The following MPP7 variants were observed in gnomAD, a reference collection of about 807,000 sequenced individuals.
The protein encoded by MPP7 is MAGUK p55 subfamily member 7.
Under a neutral mutation model 76.5 loss-of-function variants are expected in MPP7, and 60 were observed. The observed-to-expected ratio is 0.78, with a 90% CI of 0.64 to 0.97. The LOEUF (loss-of-function observed/expected upper bound fraction) is 0.97. Ranked by LOEUF, MPP7 falls within the 50% of genes least tolerant of loss-of-function variation. The pLI, the probability that MPP7 is intolerant of heterozygous loss-of-function variation, is 0.00. For synonymous variants in MPP7, 237 were observed against 244.5 expected, an observed-to-expected ratio of 0.97 and a Z score of 0.29; for missense variants, 641 against 694.0, an observed-to-expected ratio of 0.92 and a Z score of 0.86.
chr10:28,276,249 T>C (rs890014587), intron 1 of MPP7, among the ~76,000 whole-genome samples: 23 of 151,982 alleles, frequency 1.5e-4, no homozygotes, highest in Non-Finnish European at 2.5e-4. Flanking sequence ...CAGACTGGTC[T>C]CGAACTCCTG....
rs553762365 is a variant in MPP7 at position 28,291,357 on chromosome 10, G to A, written c.-132+11504C>T. 1.6e-3 allele frequency among the ~76,000 whole-genome samples: 239 copies of A among 152,330 alleles called. 1 individual carries two copies. The highest frequency in any genetic ancestry group is 2.3e-3 in the Non-Finnish European group (154 of 68,032). On this transcript the variant is annotated intron_variant, in intron 1 of 16. Coordinates refer to ENST00000683449, the MANE Select transcript of MPP7 (RefSeq NM_001318170.2). ...ACGGTGGCTCACGCCTGTAATCCCA[G>A]CACTTTGGGAGGCTGAGGCGGGTGG...
chr10:28,264,512 C>A (rs1934638626), intron 1 of MPP7, among the ~76,000 whole-genome samples: 1 of 151,676 alleles, frequency 6.6e-6, no homozygotes, highest in Admixed American at 6.6e-5. Context: ...CTGGTGTCTG[C>A]CTTGGTCACA....
intron 1 of MPP7, among the ~76,000 whole-genome samples, chr10:28,297,698 C>CA (rs1290883858): frequency 6.6e-6 from 1 of 151,732 alleles, no homozygotes; most frequent in Middle Eastern, 3.2e-3. Flanking sequence ...GACTCCGTCT[C>CA]AAAAAAATAA....
chr10:28,236,884 G>C (rs563815409), intron 2 of MPP7: 1 of 152,130 alleles, frequency 6.6e-6, no homozygotes, highest in Non-Finnish European at 1.5e-5. Context: ...TGCATACGCC[G>C]TACTTTGCGG....
rs190402644 is a variant in MPP7 at position 28,265,385 on chromosome 10, C to G, written c.-131-26650G>C. Among the ~76,000 whole-genome samples the G allele has an allele frequency of 3.2e-3, 487 of 152,168 alleles. 4 individuals carry two copies. The highest frequency in any genetic ancestry group is 0.011 in the African/African-American group (453 of 41,522). ...ACCAGCCTGGGGAACTTGGCGAAAC[C>G]CCATCTCCACAAAAAATGCAAAACT... On this transcript the variant is annotated intron_variant, in intron 1 of 16. Transcript: ENST00000683449.
intron 12 of MPP7, among the ~76,000 whole-genome samples, chr10:28,088,526 T>G (rs1205801891): frequency 1.3e-5 from 2 of 152,144 alleles, no homozygotes; most frequent in Non-Finnish European, 2.9e-5. Context: ...CTTGTTAAGT[T>G]TCCTGAGGGC....
chr10:28,176,645 G>C (rs1404755654), intron 3 of MPP7, among the ~76,000 whole-genome samples: 1 of 152,014 alleles, frequency 6.6e-6, no homozygotes, highest in Non-Finnish European at 1.5e-5. Context: ...GCTGAGGCAG[G>C]AGAATTGCTG....
rs77289850 is a variant in MPP7 at position 28,311,661 on chromosome 10, T to C, written c.-132+18268A>G. Among the ~76,000 whole-genome samples the C allele has an allele frequency of 9.3e-3, 1,421 of 152,098 alleles. 21 individuals carry two copies. Among genetic ancestry groups the C allele is most frequent in the South Asian group, 0.059 (284 of 4,814 alleles). On this transcript the variant is annotated intron_variant, in intron 2 of 11. Transcript: ENST00000441595. ...AATTTGGAAGGCTGAGGTAGGAGGA[T>C]TGCTTGAACCCAAGAATTCAAGACC...
At chr10:28,267,208 T>C (rs1840174708) in intron 1 of MPP7, among the ~76,000 whole-genome samples, 1 of 152,252 alleles carries the variant, frequency 6.6e-6, no homozygotes, top group African/African-American at 2.4e-5. Context: ...CAGAGACCAC[T>C]GGACCTGCAA....
At chr10:28,201,600 T>C (rs7088552) in intron 3 of MPP7, among the ~76,000 whole-genome samples, 45,730 of 152,028 alleles carry the variant, frequency 0.3, 8,385 homozygotes, top group African/African-American at 0.49. Flanking sequence ...ATCATTTTCA[T>C]GGCATGATGC....
chr10:28,116,329 A>G (rs1308768964), intron 11 of MPP7, among the ~76,000 whole-genome samples: 1 of 152,164 alleles, frequency 6.6e-6, no homozygotes, highest in Admixed American at 6.5e-5. Flanking sequence ...AAACTATAAA[A>G]ATAAGTTTTA....
intron 3 of MPP7, among the ~76,000 whole-genome samples, chr10:28,191,623 G>A (rs996115281): frequency 1.3e-5 from 2 of 152,118 alleles, no homozygotes; most frequent in African/African-American, 4.8e-5. Context: ...ATCTGCAAAT[G>A]TCCCAAAATT....
chr10:28,094,049 G>A (rs751028278), intron 11 of MPP7, among the ~76,000 whole-genome samples: 1 of 152,298 alleles, frequency 6.6e-6, no homozygotes, highest in Non-Finnish European at 1.5e-5. Flanking sequence ...AATTCTAAAA[G>A]GTGTCAAAGG....
At chr10:28,067,067 G>C (rs553227067) in intron 13 of MPP7, among the ~76,000 whole-genome samples, 3 of 152,074 alleles carry the variant, frequency 2.0e-5, no homozygotes, top group African/African-American at 7.2e-5. Context: ...CAGTAGGAGC[G>C]GAATTGCTGG....
At position 28,108,698 on chromosome 10, in the gene MPP7, T is replaced by C. The variant is rs142848349; in HGVS notation, c.952+10953A>G. Reference sequence around the variant, plus strand: ...TAAAATAAAATAATATAAAATAATATAAAATAAAATTCACCATTCATTCCC... The same window carrying C: ...TAAAATAAAATAATATAAAATAATACAAAATAAAATTCACCATTCATTCCC... On this transcript the variant is annotated intron_variant, in intron 11 of 16. Coordinates refer to ENST00000683449, the MANE Select transcript of MPP7 (RefSeq NM_001318170.2). 8.4e-3 allele frequency among the ~76,000 whole-genome samples: 1,275 copies of C among 151,710 alleles called. 10 individuals carry two copies. The highest frequency in any genetic ancestry group is 0.012 in the Non-Finnish European group (820 of 67,922).
At chr10:28,113,362 AC>A (rs1367927671) in intron 11 of MPP7, among the ~76,000 whole-genome samples, 2 of 152,014 alleles carry the variant, frequency 1.3e-5, no homozygotes, top group Non-Finnish European at 2.9e-5. Flanking sequence ...TGTGAGTAAT[AC>A]ACTACCTCTG....
chr10:28,181,017 T>C (rs932329560), intron 3 of MPP7, among the ~76,000 whole-genome samples: 1 of 152,178 alleles, frequency 6.6e-6, no homozygotes, highest in Non-Finnish European at 1.5e-5. Flanking sequence ...CATGGGTGGG[T>C]AGATAAATAT....
chr10:28,185,736 C>T (rs1037348405), intron 3 of MPP7, among the ~76,000 whole-genome samples: 1 of 152,152 alleles, frequency 6.6e-6, no homozygotes, highest in Admixed American at 6.6e-5. Flanking sequence ...AAAGTGTGCT[C>T]GTAATTCTTA....
At chr10:28,209,667 T>C (rs989198997) in intron 2 of MPP7, among the ~76,000 whole-genome samples, 9 of 152,182 alleles carry the variant, frequency 5.9e-5, no homozygotes, top group Non-Finnish European at 7.3e-5. Flanking sequence ...GTATTGACAA[T>C]GTTTGCCTGT....
Sources: allele counts gnomAD v4.1 joint callset (sites outside exome capture counted in the v4.1 genomes callset), GRCh38; gene constraint gnomAD v4.1.1; transcripts MANE v1.5; gene names NCBI Gene and HGNC (gene_info 2026-07-23, HGNC 2026-07-21).